STK3: variants seen among roughly 807,000 people sequenced by gnomAD.
The protein encoded by STK3 is serine/threonine-protein kinase 3.
A neutral mutation model predicts 58.0 loss-of-function variants in STK3; 41 were observed. The ratio of observed to expected loss-of-function variants is 0.71; its 90% CI spans 0.55 to 0.92. The LOEUF is 0.92. STK3 is among the 40% of genes least tolerant of loss of function. The pLI is 0.00. For synonymous variants in STK3, 170 were observed against 191.0 expected, an observed-to-expected ratio of 0.89 and a Z score of 0.91; for missense variants, 479 against 602.7, an observed-to-expected ratio of 0.79 and a Z score of 2.15.
intron 10 of STK3, among the ~76,000 whole-genome samples, chr8:98,475,373 G>T (rs1289365317): frequency 6.6e-6 from 1 of 152,192 alleles, no homozygotes. Flanking sequence ...ACAAGAGGCA[G>T]TGACAACAGA....
At chr8:98,623,093 G>A (rs1213512114) in intron 6 of STK3, among the ~76,000 whole-genome samples, 1 of 152,104 alleles carries the variant, frequency 6.6e-6, no homozygotes, top group Non-Finnish European at 1.5e-5. Context: ...ACAGAATAGA[G>A]GTTGAGAGAT....
At chr8:98,465,262 G>A (rs972961227) in intron 10 of STK3, among the ~76,000 whole-genome samples, 4 of 152,164 alleles carry the variant, frequency 2.6e-5, no homozygotes, top group African/African-American at 9.7e-5. Context: ...AGGTGCTTAT[G>A]TAGGCCCTCA....
intron 3 of STK3, among the ~76,000 whole-genome samples, chr8:98,395,280 G>C (rs886225107): frequency 3.3e-5 from 5 of 151,898 alleles, no homozygotes. Context: ...ACAAAAACGA[G>C]GAAAAATTAT....
chr8:98,608,654 T>C (rs933842012), intron 6 of STK3, among the ~76,000 whole-genome samples: 1 of 152,080 alleles, frequency 6.6e-6, no homozygotes, highest in Non-Finnish European at 1.5e-5. Context: ...AAAAATGAAA[T>C]TGGTAATGTG....
At chr8:98,435,261 G>C (rs1402202791) in intron 2 of STK3, among the ~76,000 whole-genome samples, 1 of 152,298 alleles carries the variant, frequency 6.6e-6, no homozygotes, top group East Asian at 1.9e-4. Flanking sequence ...GTGGAGGGAA[G>C]GGAAAAGGAA....
intron 6 of STK3, among the ~76,000 whole-genome samples, chr8:98,619,002 G>A (rs1460115875): frequency 1.3e-3 from 196 of 148,526 alleles, no homozygotes; most frequent in African/African-American, 3.2e-3. Context: ...AGCCCGCATC[G>A]CCAAGTCAAT....
intron 10 of STK3, among the ~76,000 whole-genome samples, chr8:98,461,629 T>C (rs553036570): frequency 6.6e-6 from 1 of 152,344 alleles, no homozygotes; most frequent in African/African-American, 2.4e-5. Context: ...TATCTACCTT[T>C]CGTTTCATGA....
chr8:98,709,555 A>G (rs1011169957), intron 4 of STK3, among the ~76,000 whole-genome samples: 1 of 152,182 alleles, frequency 6.6e-6, no homozygotes, highest in African/African-American at 2.4e-5. Flanking sequence ...AACAAAATAT[A>G]GCACACTCAC....
chr8:98,369,810 TA>T (rs1358098951), downstream of STK3, among the ~76,000 whole-genome samples: 1 of 152,140 alleles, frequency 6.6e-6, no homozygotes, highest in Admixed American at 6.6e-5. Context: ...AAGAGGGTAT[TA>T]AAAAGGTTTA....
intron 1 of STK3, among the ~76,000 whole-genome samples, chr8:98,440,983 T>C (rs556463951): frequency 6.6e-6 from 1 of 152,320 alleles, no homozygotes; most frequent in East Asian, 1.9e-4. Context: ...GTGTGGTTTA[T>C]ATAGTCTGTG....
chr8:98,703,208 T>G (rs565357234), intron 6 of STK3, among the ~76,000 whole-genome samples: 1 of 152,294 alleles, frequency 6.6e-6, no homozygotes, highest in African/African-American at 2.4e-5. Context: ...GCTCCTCCAC[T>G]TGCACTGAGT....
intron 10 of STK3, among the ~76,000 whole-genome samples, chr8:98,479,647 C>T (rs1238091445): frequency 2.6e-5 from 4 of 152,162 alleles, no homozygotes; most frequent in Non-Finnish European, 5.9e-5. Flanking sequence ...AACAAAAACA[C>T]ATTCTTCCCC....
At chr8:98,539,842 C>T (rs1810088692) in intron 9 of STK3, among the ~76,000 whole-genome samples, 1 of 152,196 alleles carries the variant, frequency 6.6e-6, no homozygotes, top group Non-Finnish European at 1.5e-5. Flanking sequence ...CAGCCTCTGC[C>T]TCCTGGGTTC....
chr8:98,560,971 T>A (rs961280021), intron 8 of STK3, among the ~76,000 whole-genome samples: 3 of 152,128 alleles, frequency 2.0e-5, no homozygotes, highest in African/African-American at 7.2e-5. Flanking sequence ...AGGTCAAGGC[T>A]GCAGTGAGCC....
intron 8 of STK3, among the ~76,000 whole-genome samples, chr8:98,551,624 G>A (rs888951200): frequency 6.0e-4 from 92 of 152,116 alleles, no homozygotes; most frequent in African/African-American, 2.0e-3. Context: ...AAAATACTGC[G>A]AGGACATCTA....
the STK3 span, among the ~76,000 whole-genome samples, chr8:98,348,958 G>A: frequency 6.6e-6 from 1 of 152,222 alleles, no homozygotes; most frequent in Non-Finnish European, 1.5e-5. Context: ...TGTGCATGAT[G>A]TTTATAGCAG....
intron 3 of STK3, among the ~76,000 whole-genome samples, chr8:98,864,058 G>A (rs542933224): frequency 6.6e-6 from 1 of 151,884 alleles, no homozygotes; most frequent in African/African-American, 2.4e-5. Flanking sequence ...AATTAGCCGG[G>A]TGTGGTGGCG....
At chr8:98,598,636 T>C (rs540212370) in intron 6 of STK3, 1 of 985,332 alleles carries the variant, frequency 1.0e-6, no homozygotes, top group African/African-American at 1.7e-5. Context: ...AGGCCCCTTC[T>C]ATAGAAAGTT....
chr8:98,814,144 G>A (rs1054940417), intron 1 of STK3, among the ~76,000 whole-genome samples: 2 of 151,990 alleles, frequency 1.3e-5, no homozygotes, highest in Non-Finnish European at 2.9e-5. Flanking sequence ...TCCACCTCCT[G>A]GGTTGAAGCA....
Sources: allele counts gnomAD v4.1 joint callset (sites outside exome capture counted in the v4.1 genomes callset), GRCh38; gene constraint gnomAD v4.1.1; transcripts MANE v1.5; gene names NCBI Gene and HGNC (gene_info 2026-07-23, HGNC 2026-07-21).